The following IGSF21 variants were observed in gnomAD, a reference collection of about 807,000 sequenced individuals.
The protein encoded by IGSF21 is immunoglobulin superfamily member 21.
A neutral mutation model predicts 46.8 loss-of-function variants in IGSF21; 28 were observed. That is an observed-to-expected ratio of 0.60 (90% CI 0.44 to 0.82). The LOEUF (loss-of-function observed/expected upper bound fraction) is 0.82, where lower values mean the gene tolerates loss of function less well. Among genes scored for constraint, IGSF21 ranks in the 40% least tolerant of loss-of-function variants. IGSF21 has a pLI of 0.00. For missense variants in IGSF21, 624 were observed against 665.5 expected, an observed-to-expected ratio of 0.94 and a Z score of 0.69; for synonymous variants, 284 against 273.6, an observed-to-expected ratio of 1.04 and a Z score of -0.38.
intron 2 of IGSF21, among the ~76,000 whole-genome samples, chr1:18,266,189 A>G (rs2084987932): frequency 6.6e-6 from 1 of 152,130 alleles, no homozygotes; most frequent in African/African-American, 2.4e-5. Flanking sequence ...ACAAGACCCT[A>G]GGAGGTGGCT....
intron 2 of IGSF21, among the ~76,000 whole-genome samples, chr1:18,270,779 C>CAA (rs968134132): frequency 6.9e-6 from 1 of 144,132 alleles, no homozygotes. Flanking sequence ...ATCAGAGATT[C>CAA]AAAAAAAAAA....
chr1:18,273,854 C>T (rs1028435001), intron 2 of IGSF21, among the ~76,000 whole-genome samples: 5 of 152,058 alleles, frequency 3.3e-5, no homozygotes, highest in Admixed American at 6.6e-5. Flanking sequence ...AGGAGCTGCC[C>T]GTGCTACCTC....
At chr1:18,315,214 C>G (rs2085528618) in intron 3 of IGSF21, among the ~76,000 whole-genome samples, 1 of 152,148 alleles carries the variant, frequency 6.6e-6, no homozygotes, top group African/African-American at 2.4e-5. Context: ...GATAATGCAA[C>G]AGCGAGCTGA....
intron 1 of IGSF21, among the ~76,000 whole-genome samples, chr1:18,124,170 T>G (rs1232814275): frequency 6.6e-6 from 1 of 152,202 alleles, no homozygotes; most frequent in African/African-American, 2.4e-5. Flanking sequence ...AGAGAAACAT[T>G]GAAGCCAAAA....
At chr1:18,354,634 C>T (rs77681191) in intron 4 of IGSF21, among the ~76,000 whole-genome samples, 1,870 of 152,104 alleles carry the variant, frequency 0.012, 38 homozygotes, top group African/African-American at 0.043. Context: ...CCCCATCCCT[C>T]CCCCAAGCCT....
At chr1:18,242,889 G>C (rs1483291174) in intron 2 of IGSF21, among the ~76,000 whole-genome samples, 1 of 152,188 alleles carries the variant, frequency 6.6e-6, no homozygotes, top group African/African-American at 2.4e-5. Flanking sequence ...CTGCTGGGGG[G>C]GACAGGTGTC....
At chr1:18,360,250 G>A (rs1433125016) in intron 4 of IGSF21, among the ~76,000 whole-genome samples, 1 of 152,054 alleles carries the variant, frequency 6.6e-6, no homozygotes, top group African/African-American at 2.4e-5. Context: ...ATTCCTATCC[G>A]GCTTACCATC....
intron 1 of IGSF21, among the ~76,000 whole-genome samples, chr1:18,197,775 C>T (rs1225175338): frequency 1.3e-5 from 2 of 152,220 alleles, no homozygotes; most frequent in South Asian, 2.1e-4. Flanking sequence ...GGGGAAATAA[C>T]CAAGACTACC....
At chr1:18,343,061 T>C (rs1341550867) in intron 4 of IGSF21, among the ~76,000 whole-genome samples, 1 of 152,208 alleles carries the variant, frequency 6.6e-6, no homozygotes, top group Non-Finnish European at 1.5e-5. Context: ...ACCAACTGCA[T>C]ATGAGTCCCA....
intron 1 of IGSF21, chr1:18,115,071 C>T (rs1008048601): frequency 3.3e-5 from 5 of 152,340 alleles, no homozygotes; most frequent in Admixed American, 1.3e-4. Flanking sequence ...GAGACAAGAG[C>T]TCACTGTCTC....
At chr1:18,248,493 A>G (rs995185932) in intron 2 of IGSF21, among the ~76,000 whole-genome samples, 7 of 152,110 alleles carry the variant, frequency 4.6e-5, no homozygotes, top group African/African-American at 1.4e-4. Flanking sequence ...GCTTTCTAGA[A>G]GGTCAGAGGG....
intron 1 of IGSF21, among the ~76,000 whole-genome samples, chr1:18,192,037 C>A (rs968571523): frequency 2.0e-4 from 30 of 152,238 alleles, no homozygotes; most frequent in African/African-American, 4.8e-4. Flanking sequence ...GTCATGCACA[C>A]CTGTCTCCCC....
intron 3 of IGSF21, among the ~76,000 whole-genome samples, chr1:18,301,564 C>G (rs374083141): frequency 2.6e-5 from 4 of 152,188 alleles, no homozygotes; most frequent in African/African-American, 9.7e-5. Flanking sequence ...TGATCTCGAA[C>G]TCCTGACCTC....
intron 1 of IGSF21, among the ~76,000 whole-genome samples, chr1:18,158,959 C>A (rs546795784): frequency 7.2e-5 from 11 of 152,250 alleles, no homozygotes; most frequent in Admixed American, 3.3e-4. Context: ...GTGCTGAGGG[C>A]GATTCCCTCC....
At position 18,298,952 on chromosome 1, in the gene IGSF21, AAG is replaced by A. The variant is rs1287147893; in HGVS notation, c.305+6971_305+6972del. ...GAACAATAAATATTTGTGGAATGAA[AAG>A]AGAGAAAGGGGAGATAAAACACGAG... On this transcript the variant is annotated intron_variant, in intron 3 of 9. Transcript: ENST00000251296. Among the ~76,000 whole-genome samples the A allele has an allele frequency of 2.0e-5, 3 of 152,332 alleles. No individual in the cohort carries two copies. In the East Asian group the frequency reaches 5.8e-4, roughly 29 times the overall value.
chr1:18,117,175 G>A (rs1234842740), intron 1 of IGSF21, among the ~76,000 whole-genome samples: 1 of 152,216 alleles, frequency 6.6e-6, no homozygotes, highest in African/African-American at 2.4e-5. Context: ...GTTGCTCTGG[G>A]TTGCCCAAAG....
intron 3 of IGSF21, among the ~76,000 whole-genome samples, chr1:18,313,343 A>G (rs909289974): frequency 6.6e-6 from 1 of 152,184 alleles, no homozygotes; most frequent in Non-Finnish European, 1.5e-5. Flanking sequence ...CAAGAGTGAG[A>G]TGTTAGAGCC....
At chr1:18,231,330 T>A (rs2084623976) in intron 2 of IGSF21, among the ~76,000 whole-genome samples, 1 of 152,242 alleles carries the variant, frequency 6.6e-6, no homozygotes, top group African/African-American at 2.4e-5. Context: ...AGGGATCACC[T>A]AACCTTGGAG....
chr1:18,138,524 G>C (rs2086387081), intron 1 of IGSF21, among the ~76,000 whole-genome samples: 2 of 152,220 alleles, frequency 1.3e-5, no homozygotes. Context: ...GTAGCAGCAG[G>C]AGGGATGTGG....
Sources: allele counts gnomAD v4.1 joint callset (sites outside exome capture counted in the v4.1 genomes callset), GRCh38; gene constraint gnomAD v4.1.1; transcripts MANE v1.5; gene names NCBI Gene and HGNC (gene_info 2026-07-23, HGNC 2026-07-21).